PNLIPRP3: variants seen among roughly 807,000 people sequenced by gnomAD.
PNLIPRP3 encodes pancreatic lipase-related protein 3.
A neutral mutation model predicts 52.8 loss-of-function variants in PNLIPRP3; 58 were observed. The observed-to-expected ratio is 1.10, with a 90% CI of 0.89 to 1.37. The LOEUF is 1.37. PNLIPRP3 is among the 40% of genes most tolerant of loss of function. PNLIPRP3 has a pLI of 0.00. For synonymous variants in PNLIPRP3, 192 were observed against 185.0 expected (o/e 1.04, Z -0.31); for missense variants, 593 against 561.6 (o/e 1.06, Z -0.57).
chr10:116,428,133 G>A, intron 1 of PNLIPRP3, 72 bp downstream of exon 1: 2 of 1,093,592 alleles, frequency 1.8e-6, no homozygotes, highest in Non-Finnish European at 2.7e-6. Flanking sequence ...TAATTGACAT[G>A]AACTTATTCT....
intron 5 of PNLIPRP3, among the ~76,000 whole-genome samples, chr10:116,458,833 A>G (rs1279798620): frequency 2.6e-5 from 4 of 152,058 alleles, no homozygotes; most frequent in African/African-American, 4.8e-5. Flanking sequence ...TTCCTTCTAA[A>G]TGATGCCCTA....
At chr10:116,441,419 C>T (rs904379515) in intron 2 of PNLIPRP3, among the ~76,000 whole-genome samples, 6 of 152,126 alleles carry the variant, frequency 3.9e-5, no homozygotes, top group African/African-American at 1.4e-4. Context: ...AAATTCCCTC[C>T]AAAAGGTTTT....
At chr10:116,472,200 A>T in intron 10 of PNLIPRP3, among the ~76,000 whole-genome samples, 1 of 152,324 alleles carries the variant, frequency 6.6e-6, no homozygotes, top group South Asian at 2.1e-4. Context: ...ATATTATACA[A>T]ATATAAGCAT....
intron 5 of PNLIPRP3, among the ~76,000 whole-genome samples, chr10:116,459,447 A>G (rs952349501): frequency 3.9e-5 from 6 of 152,200 alleles, no homozygotes; most frequent in South Asian, 2.1e-4. Context: ...ATATCACAGC[A>G]AAGGGATTTT....
intron 4 of PNLIPRP3, among the ~76,000 whole-genome samples, chr10:116,454,936 A>G (rs889596954): frequency 2.0e-5 from 3 of 152,160 alleles, no homozygotes; most frequent in Non-Finnish European, 4.4e-5. Flanking sequence ...TAGTAATTCT[A>G]TTTTTAGTTT....
At chr10:116,445,008 A>G (rs1427892264) in intron 4 of PNLIPRP3, among the ~76,000 whole-genome samples, 2 of 152,198 alleles carry the variant, frequency 1.3e-5, no homozygotes, top group Non-Finnish European at 2.9e-5. Context: ...TTAGGCCTAT[A>G]CTCTGCGACA....
intron 5 of PNLIPRP3, among the ~76,000 whole-genome samples, chr10:116,458,644 G>A (rs758233612): frequency 5.9e-5 from 9 of 152,112 alleles, no homozygotes; most frequent in Non-Finnish European, 1.2e-4. Flanking sequence ...TTTGTTAAGC[G>A]CGAATGGTTC....
chr10:116,439,974 T>C, intron 2 of PNLIPRP3: 1 of 803,472 alleles, frequency 1.2e-6, no homozygotes. Flanking sequence ...TATGTTCTTC[T>C]CTGCACGTCT....
Position 116,427,921 on chromosome 10 carries a change from G to T in PNLIPRP3, c.-92G>T. On this transcript the variant is annotated 5_prime_UTR_variant, in exon 1 of 12. Transcript: ENST00000369230. ...AGTTTAAACATTGAGTTGCATCATTGTGAGGAAAACCACTTAGTATTTTAT... is the reference window on the plus strand; with the variant it reads ...AGTTTAAACATTGAGTTGCATCATTTTGAGGAAAACCACTTAGTATTTTAT... The T allele has an allele frequency of 1.1e-6, 1 of 928,468 alleles. No homozygotes were observed. The highest frequency in any genetic ancestry group is 1.8e-6 in the Non-Finnish European group (1 of 567,900). 57.5% of individuals were successfully genotyped at this position (928,468 alleles called of 1,614,324 possible).
At position 116,427,991 on chromosome 10, in the gene PNLIPRP3, G is replaced by C. The variant is rs368300426; in HGVS notation, c.-22G>C. The C allele has an allele frequency of 1.1e-5, 17 of 1,591,120 alleles. No individual in the cohort carries two copies. The Admixed American group carries it at 2.7e-4, about 25-fold the overall frequency. The stretch of plus-strand genomic sequence containing the variant: ...TAAAGATCTTCAAGAAGATTTTTAT[G>C]TGATTTAAAAAATCAGCTTAGATGC... On this transcript the variant is annotated 5_prime_UTR_variant, in exon 1 of 12. An upstream start codon of the reference 5' UTR is lost. Coordinates refer to ENST00000369230, the MANE Select transcript of PNLIPRP3 (RefSeq NM_001011709.3).
chr10:116,439,357 A>G, intron 2 of PNLIPRP3: 1 of 450,594 alleles, frequency 2.2e-6, no homozygotes, highest in Middle Eastern at 7.2e-4. Context: ...TTTTGTAATT[A>G]AACCTAATGA....
intron 1 of PNLIPRP3, among the ~76,000 whole-genome samples, chr10:116,429,892 G>T (rs1186821369): frequency 6.6e-6 from 1 of 152,134 alleles, no homozygotes; most frequent in Non-Finnish European, 1.5e-5. Flanking sequence ...TAGCAAACAA[G>T]ACTGCCAAGA....
chr10:116,442,300 C>T (rs1282081896), intron 2 of PNLIPRP3, among the ~76,000 whole-genome samples: 1 of 152,054 alleles, frequency 6.6e-6, no homozygotes, highest in Non-Finnish European at 1.5e-5. Flanking sequence ...AAATTATCTC[C>T]AATATGCTGG....
intron 1 of PNLIPRP3, among the ~76,000 whole-genome samples, chr10:116,434,625 G>A (rs757699309): frequency 2.6e-5 from 4 of 152,028 alleles, no homozygotes; most frequent in Non-Finnish European, 5.9e-5. Context: ...CCTGGTAAGC[G>A]ATAAACATAG....
At chr10:116,466,758 T>G (rs1451330835) in intron 8 of PNLIPRP3, among the ~76,000 whole-genome samples, 1 of 152,242 alleles carries the variant, frequency 6.6e-6, no homozygotes, top group Non-Finnish European at 1.5e-5. Flanking sequence ...TCTTGTGCTT[T>G]AGAGACCTAA....
In PNLIPRP3 at chr10:116,461,012, C is replaced by G; in HGVS notation, c.612C>G (p.Val204=). ...TTTTCCACAACACTCCAAAGGAAGTCAGGCTAGACCCCTCGGATGCCAACT... is the reference window on the plus strand; with the variant it reads ...TTTTCCACAACACTCCAAAGGAAGTGAGGCTAGACCCCTCGGATGCCAACT... ...GPFFHNTPKE[V]RLDPSDANFV... is the part of the protein sequence containing the mutation. The change falls in exon 6 of 12, where the codon GTC becomes GTG. Residue 204 remains valine, a synonymous_variant. Transcript: ENST00000369230. The G allele has an allele frequency of 6.2e-7, 1 of 1,613,390 alleles. No individual in the cohort carries two copies. The highest frequency in any genetic ancestry group is 8.5e-7 in the Non-Finnish European group (1 of 1,180,022).
chr10:116,433,603 A>G (rs1390022722), intron 1 of PNLIPRP3, among the ~76,000 whole-genome samples: 1 of 152,136 alleles, frequency 6.6e-6, no homozygotes, highest in Non-Finnish European at 1.5e-5. Context: ...TGTTCCCCAT[A>G]TTGACTCTCC....
At chr10:116,429,593 T>C (rs1845681466) in intron 1 of PNLIPRP3, among the ~76,000 whole-genome samples, 2 of 152,202 alleles carry the variant, frequency 1.3e-5, no homozygotes, top group South Asian at 2.1e-4. Flanking sequence ...CTCTATTGGA[T>C]AAAAAATGAA....
Position 116,466,086 on chromosome 10 carries a change from G to A in PNLIPRP3, c.845G>A (p.Ser282Asn), listed in dbSNP as rs1333450911. ...ASFFDCNHAR[S>N]YQFYAESILN... The stretch of plus-strand genomic sequence containing the variant: ...TTCTTTGACTGTAACCATGCCCGAA[G>A]TTATCAATTTTATGCTGAAAGCATT... Residue 282 changes from serine (S) to asparagine (N), a missense_variant, in exon 8 of 12, where the codon AGT becomes AAT. By Grantham distance (46) the Ser-to-Asn change is conservative. Coordinates refer to ENST00000369230, the MANE Select transcript of PNLIPRP3 (RefSeq NM_001011709.3). 1 of 1,613,776 alleles carries A rather than the reference G, an allele frequency of 6.2e-7. No homozygotes were observed.
Sources: allele counts gnomAD v4.1 joint callset (sites outside exome capture counted in the v4.1 genomes callset), GRCh38; gene constraint gnomAD v4.1.1; transcripts MANE v1.5; gene names NCBI Gene and HGNC (gene_info 2026-07-23, HGNC 2026-07-21).